EDNRA: variants seen among roughly 807,000 people sequenced by gnomAD.
EDNRA encodes the protein endothelin receptor type A.
Under a neutral mutation model 41.4 loss-of-function variants are expected in EDNRA, and 11 were observed. That is an observed-to-expected ratio of 0.27 (90% CI 0.17 to 0.44). The LOEUF (loss-of-function observed/expected upper bound fraction) is 0.44, where lower values mean the gene tolerates loss of function less well. Ranked by LOEUF, EDNRA falls within the 20% of genes least tolerant of loss-of-function variation. EDNRA has a pLI of 1.00. For synonymous variants in EDNRA, 172 were observed against 183.0 expected (o/e 0.94, Z 0.49); for missense variants, 294 against 531.0 (o/e 0.55, Z 4.39).
chr4:147,528,446 C>A (rs1398938673), intron 3 of EDNRA, among the ~76,000 whole-genome samples: 1 of 151,396 alleles, frequency 6.6e-6, no homozygotes, highest in African/African-American at 2.4e-5. Context: ...CAGGCTCAAC[C>A]TCCCTGGGCT....
At chr4:147,515,796 T>C (rs754412591) in intron 2 of EDNRA, among the ~76,000 whole-genome samples, 2 of 152,208 alleles carry the variant, frequency 1.3e-5, no homozygotes, top group Non-Finnish European at 2.9e-5. Flanking sequence ...GCACTAAATA[T>C]AGTGGTGAAT....
At chr4:147,503,416 A>G (rs1294740700) in intron 2 of EDNRA, among the ~76,000 whole-genome samples, 2 of 152,124 alleles carry the variant, frequency 1.3e-5, no homozygotes, top group Non-Finnish European at 2.9e-5. Context: ...AGTCACAGGG[A>G]ACAGGAAGCA....
chr4:147,537,035 G>A (rs1387703985), intron 5 of EDNRA, among the ~76,000 whole-genome samples: 11 of 152,160 alleles, frequency 7.2e-5, no homozygotes, highest in African/African-American at 2.7e-4. Context: ...AGGACTTCAG[G>A]TAAGTTCCCT....
intron 2 of EDNRA, among the ~76,000 whole-genome samples, chr4:147,496,506 C>G (rs934367865): frequency 2.0e-5 from 3 of 152,192 alleles, no homozygotes; most frequent in Non-Finnish European, 2.9e-5. Flanking sequence ...AGCATTGGCT[C>G]TGTTAATTTT....
intron 2 of EDNRA, among the ~76,000 whole-genome samples, chr4:147,499,506 C>T (rs936221583): frequency 1.3e-5 from 2 of 152,202 alleles, no homozygotes; most frequent in East Asian, 1.9e-4. Flanking sequence ...TTCGTTGTCT[C>T]GATTTATGTT....
chr4:147,525,608 A>AAAAAAAGAG, intron 3 of EDNRA, among the ~76,000 whole-genome samples: 1 of 149,694 alleles, frequency 6.7e-6, no homozygotes. Context: ...AAAAAAAAAA[A>AAAAAAAGAG]GCAGCAGCAG....
chr4:147,534,321 G>T (rs1184806002), intron 4 of EDNRA, among the ~76,000 whole-genome samples: 1 of 152,144 alleles, frequency 6.6e-6, no homozygotes, highest in Non-Finnish European at 1.5e-5. Flanking sequence ...TTAAGTTCAG[G>T]ACTGAAATCT....
Position 147,536,027 on chromosome 4 carries a change from C to T in EDNRA, c.898C>T (p.Gln300Ter), listed in dbSNP as rs1218958699. ...AATTGCCCTCAGTGAACATCTTAAG[C>T]AGGTAAATCCCATAACATCATGAAA... is the stretch of plus-strand genomic sequence containing the variant. ...LRIALSEHLK[Q>*]RREVAKTVFC... Residue 300 changes from glutamine (Q) to a stop codon, truncating the protein, a stop_gained and splice_region_variant, in exon 5 of 8, where the codon CAG becomes TAG. Transcript: ENST00000651419. LOFTEE classifies it high-confidence loss of function. The T allele has an allele frequency of 6.2e-7, 1 of 1,613,740 alleles. No individual in the cohort carries two copies. The highest frequency in any genetic ancestry group is 8.5e-7 in the Non-Finnish European group (1 of 1,179,866).
At chr4:147,512,028 A>C (rs1229614152) in intron 2 of EDNRA, among the ~76,000 whole-genome samples, 1 of 152,182 alleles carries the variant, frequency 6.6e-6, no homozygotes, top group African/African-American at 2.4e-5. Context: ...TATGAATTAA[A>C]CCTTAAAGTA....
chr4:147,508,884 A>G (rs961757493), intron 2 of EDNRA, among the ~76,000 whole-genome samples: 2 of 152,292 alleles, frequency 1.3e-5, no homozygotes, highest in African/African-American at 2.4e-5. Flanking sequence ...AATAAGTACT[A>G]TAAGTTCTCC....
At chr4:147,498,601 T>G (rs1729396663) in intron 2 of EDNRA, among the ~76,000 whole-genome samples, 1 of 152,198 alleles carries the variant, frequency 6.6e-6, no homozygotes, top group African/African-American at 2.4e-5. Flanking sequence ...CCAGAAAGCC[T>G]AAAATATTTA....
intron 2 of EDNRA, among the ~76,000 whole-genome samples, chr4:147,515,685 A>G (rs1471552503): frequency 2.6e-5 from 4 of 152,118 alleles, no homozygotes; most frequent in South Asian, 2.1e-4. Context: ...GGCTCCTTAC[A>G]TTTTTGTTTA....
intron 3 of EDNRA, among the ~76,000 whole-genome samples, chr4:147,529,438 A>T (rs1730670505): frequency 6.6e-6 from 1 of 152,226 alleles, no homozygotes; most frequent in Non-Finnish European, 1.5e-5. Context: ...CATAGACAGA[A>T]AAAACGTCTG....
chr4:147,488,323 G>A (rs1486198140), intron 2 of EDNRA: 1 of 151,614 alleles, frequency 6.6e-6, no homozygotes, highest in Admixed American at 6.5e-5. Context: ...AGACCATCTG[G>A]AATGTCTCCA....
intron 2 of EDNRA, chr4:147,491,325 T>C (rs1729130009): frequency 6.6e-6 from 1 of 152,190 alleles, no homozygotes; most frequent in East Asian, 1.9e-4. Flanking sequence ...GCCTTTGACA[T>C]CTTGTGCAAC....
intron 3 of EDNRA, among the ~76,000 whole-genome samples, chr4:147,528,180 A>G (rs1446333914): frequency 6.6e-6 from 1 of 152,114 alleles, no homozygotes; most frequent in Non-Finnish European, 1.5e-5. Flanking sequence ...TTCCCTAGCC[A>G]ATTAAGGTGA....
chr4:147,537,968 T>G (rs994392398), intron 5 of EDNRA, among the ~76,000 whole-genome samples: 1 of 152,188 alleles, frequency 6.6e-6, no homozygotes, highest in African/African-American at 2.4e-5. Flanking sequence ...GCTCATAGTT[T>G]TGCTTCTTGC....
At chr4:147,488,697 C>T (rs528830285) in intron 2 of EDNRA, 6 of 152,298 alleles carry the variant, frequency 3.9e-5, no homozygotes, top group East Asian at 3.9e-4. Context: ...TAGGAGCAAT[C>T]GCCACATCTT....
chr4:147,501,631 T>C (rs932412279), intron 2 of EDNRA, among the ~76,000 whole-genome samples: 1 of 152,234 alleles, frequency 6.6e-6, no homozygotes, highest in Non-Finnish European at 1.5e-5. Context: ...CCCTGTTTAT[T>C]ATACAATGTT....
Sources: gnomAD v4.1 joint callset for allele counts (sites outside exome capture counted in the v4.1 genomes callset) on GRCh38, gnomAD v4.1.1 for gene constraint, MANE v1.5 for transcripts, NCBI Gene and HGNC (gene_info 2026-07-23, HGNC 2026-07-21) for gene names.